Variants in USP8 observed in about 807,000 individuals in gnomAD.
USP8 encodes ubiquitin specific peptidase 8.
USP8 carries 27 observed loss-of-function variants against 130.0 expected under a neutral mutation model. The observed-to-expected ratio is 0.21, with a 90% CI of 0.15 to 0.29. The LOEUF (loss-of-function observed/expected upper bound fraction) is 0.29, where lower values mean the gene tolerates loss of function less well. Among genes scored for constraint, USP8 ranks in the 10% least tolerant of loss-of-function variants. USP8 has a pLI of 1.00. For missense variants in USP8, 1,029 were observed against 1,312.2 expected (o/e 0.78, Z 3.33); for synonymous variants, 392 against 444.1 (o/e 0.88, Z 1.48).
At chr15:50,471,864 C>A in intron 8 of USP8, 69 bp downstream of exon 8, 6 of 1,453,028 alleles carry the variant, frequency 4.1e-6, no homozygotes, top group East Asian at 2.3e-5. Context: ...GGCATGTTAA[C>A]TAGTTGTTTA....
At chr15:50,454,339 A>G (rs549311704) in intron 4 of USP8, among the ~76,000 whole-genome samples, 1 of 152,050 alleles carries the variant, frequency 6.6e-6, no homozygotes, top group Non-Finnish European at 1.5e-5. Flanking sequence ...CCAGCTCTAC[A>G]TACGATAGAC....
intron 14 of USP8, among the ~76,000 whole-genome samples, chr15:50,491,397 T>G (rs1389797474): frequency 2.0e-5 from 3 of 152,238 alleles, no homozygotes; most frequent in Non-Finnish European, 4.4e-5. Flanking sequence ...TTTTAAAAAT[T>G]CTATTAATCT....
intron 14 of USP8, 121 bp downstream of exon 14, chr15:50,490,646 GTTA>G: frequency 1.6e-6 from 2 of 1,258,358 alleles, no homozygotes; most frequent in Non-Finnish European, 2.2e-6. Flanking sequence ...TATACCAGCC[GTTA>G]TTATTTACCA....
intron 11 of USP8, among the ~76,000 whole-genome samples, chr15:50,483,300 T>C (rs1170623373): frequency 1.3e-5 from 2 of 152,218 alleles, no homozygotes; most frequent in Non-Finnish European, 2.9e-5. Context: ...ACTTAAATCA[T>C]TCATATTTGT....
Position 50,499,164 on chromosome 15 carries a change from G to A in USP8, c.*76G>A, listed in dbSNP as rs1475947837. On this transcript the variant is annotated 3_prime_UTR_variant, in exon 20 of 20. Coordinates refer to ENST00000307179, the MANE Select transcript of USP8 (RefSeq NM_005154.5). ...CTCTTGAAATGCTTATCAGGATAAT[G>A]GTAGCTATAGCTGGCCATTTAGAGG... 9 of 1,422,770 alleles carry A rather than the reference G, an allele frequency of 6.3e-6. No individual in the cohort carries two copies. The highest frequency in any genetic ancestry group is 7.5e-6 in the Non-Finnish European group (8 of 1,064,776). 88.1% of individuals were successfully genotyped at this position (1,422,770 alleles called of 1,614,324 possible).
At chr15:50,432,055 A>T (rs565657229) in intron 1 of USP8, among the ~76,000 whole-genome samples, 49 of 152,254 alleles carry the variant, frequency 3.2e-4, no homozygotes, top group African/African-American at 1.1e-3. Context: ...GTGTATGAGG[A>T]TTTTAAAGCC....
At chr15:50,434,496 A>G (rs1220538005) in intron 1 of USP8, among the ~76,000 whole-genome samples, 1 of 152,072 alleles carries the variant, frequency 6.6e-6, no homozygotes, top group Non-Finnish European at 1.5e-5. Context: ...TATCTTTGTC[A>G]GGTTTACACG....
At position 50,481,925 on chromosome 15, in the gene USP8, A is replaced by C; in HGVS notation, c.1663A>C (p.Ser555Arg). Residue 555 changes from serine (S) to arginine (R), a missense_variant, in exon 11 of 20, where the codon AGT becomes CGT. Ser to Arg is a moderately radical substitution (Grantham distance 110). Coordinates refer to ENST00000307179, the MANE Select transcript of USP8 (RefSeq NM_005154.5). ...AGAAATAACAGGAGTAAAAAGACAA[A>C]GTAAAAGTGAACATGAAACTTCTGA... ...GKEITGVKRQ[S>R]KSEHETSDAK... 1 of 1,608,176 alleles carries C rather than the reference A, an allele frequency of 6.2e-7. No individual in the cohort carries two copies. The highest frequency in any genetic ancestry group is 8.5e-7 in the Non-Finnish European group (1 of 1,178,472).
chr15:50,458,913 A>G, intron 4 of USP8, 87 bp from the exon 5 acceptor site: 1 of 1,520,484 alleles, frequency 6.6e-7, no homozygotes, highest in South Asian at 1.2e-5. Context: ...ACCTCAAGGC[A>G]GGATACTAAT....
chr15:50,499,083 A>T lies in USP8; in HGVS notation c.3352A>T (p.Thr1118Ser), dbSNP rs1823943135. 6.3e-7 allele frequency: 1 copy of T among 1,598,982 alleles called. No homozygotes were observed. The highest frequency in any genetic ancestry group is 8.5e-7 in the Non-Finnish European group (1 of 1,172,998). ...SLGPRVTDVA[T>S] ...GGGACCACGAGTAACTGATGTAGCC[A>T]CATAAGGAGACATAGGTTATAAACT... Residue 1118 changes from threonine to serine, a missense_variant, in exon 20 of 20, where the codon ACA becomes TCA. By Grantham distance (58) the Thr-to-Ser change is moderately conservative. Coordinates refer to ENST00000307179, the MANE Select transcript of USP8 (RefSeq NM_005154.5).
intron 17 of USP8, chr15:50,496,873 C>A: frequency 6.6e-6 from 3 of 455,304 alleles, no homozygotes; most frequent in Non-Finnish European, 1.1e-5. Flanking sequence ...TGTCCTGTCA[C>A]AACACACTGT....
intron 5 of USP8, among the ~76,000 whole-genome samples, chr15:50,461,732 A>T (rs1453256695): frequency 6.6e-6 from 1 of 152,114 alleles, no homozygotes; most frequent in African/African-American, 2.4e-5. Flanking sequence ...ACACGCCTGT[A>T]ATCCCAGCTA....
At position 50,513,264 on chromosome 15, in the gene USP8, G is replaced by A. The variant is rs958893517; in HGVS notation, c.*14176G>A. The A allele has an allele frequency of 6.6e-6, 1 of 152,092 alleles. No homozygotes were observed. The highest frequency in any genetic ancestry group is 2.4e-5 in the African/African-American group (1 of 41,406). The allele number at this position is 152,092 out of a possible 1,614,324, so 9.4% of individuals were successfully genotyped here. On this transcript the variant is annotated 3_prime_UTR_variant, in exon 20 of 20. Coordinates refer to ENST00000307179, the MANE Select transcript of USP8 (RefSeq NM_005154.5). ...ATATATGCAGGAATGTCTGCATAAT[G>A]TTGTTCATGCCAGCAAAAATTTGGA...
At chr15:50,473,976 C>T (rs1189854896) in intron 8 of USP8, among the ~76,000 whole-genome samples, 1 of 151,856 alleles carries the variant, frequency 6.6e-6, no homozygotes, top group East Asian at 1.9e-4. Context: ...GCTGGGATTA[C>T]AGGCGCCCAC....
intron 7 of USP8, chr15:50,466,916 G>A (rs902227685): frequency 4.7e-6 from 2 of 427,498 alleles, no homozygotes; most frequent in Non-Finnish European, 9.1e-6. Flanking sequence ...TGCCTACTAA[G>A]ACTTTGAGAA....
At chr15:50,456,814 A>G (rs1478456032) in intron 4 of USP8, among the ~76,000 whole-genome samples, 2 of 152,208 alleles carry the variant, frequency 1.3e-5, no homozygotes, top group African/African-American at 2.4e-5. Flanking sequence ...TGAACCTGGA[A>G]GGTGGAGGTT....
intron 1 of USP8, among the ~76,000 whole-genome samples, chr15:50,438,461 C>T (rs555197558): frequency 3.3e-5 from 5 of 152,260 alleles, no homozygotes; most frequent in Admixed American, 2.0e-4. Context: ...TGGCGAACGC[C>T]TGGAATTCCA....
Position 50,441,460 on chromosome 15 carries a change from T to G in USP8, c.216T>G (p.Leu72=), listed in dbSNP as rs2050257942. 1 of 1,577,252 alleles carries G rather than the reference T, an allele frequency of 6.3e-7. No homozygotes were observed. The highest frequency in any genetic ancestry group is 8.6e-7 in the Non-Finnish European group (1 of 1,168,900). Reference sequence around the variant, plus strand: ...TGAAATACGTGACTGTTTATAATCTTATCAAAAAAAGACCTGATTTCAAGC... The same window carrying G: ...TGAAATACGTGACTGTTTATAATCTGATCAAAAAAAGACCTGATTTCAAGC... ...LYMKYVTVYN[L]IKKRPDFKQQ... Residue 72 remains leucine (L), a synonymous_variant, in exon 3 of 20, where the codon CTT becomes CTG. Coordinates refer to ENST00000307179, the MANE Select transcript of USP8 (RefSeq NM_005154.5).
At chr15:50,457,432 C>T (rs2050826344) in intron 4 of USP8, among the ~76,000 whole-genome samples, 1 of 151,712 alleles carries the variant, frequency 6.6e-6, no homozygotes, top group South Asian at 2.1e-4. Flanking sequence ...GTGGCACACA[C>T]CGGTAGTCCC....
Sources: allele counts gnomAD v4.1 joint callset (sites outside exome capture counted in the v4.1 genomes callset), GRCh38; gene constraint gnomAD v4.1.1; transcripts MANE v1.5; gene names NCBI Gene and HGNC (gene_info 2026-07-23, HGNC 2026-07-21).